The following PRUNE2 variants were observed in gnomAD, a reference collection of about 807,000 sequenced individuals.
PRUNE2 encodes the protein prune homolog 2 with BCH domain.
A neutral mutation model predicts 252.0 loss-of-function variants in PRUNE2; 164 were observed. The observed-to-expected ratio is 0.65, with a 90% CI of 0.57 to 0.74. PRUNE2 has a LOEUF of 0.74. PRUNE2 is among the 30% of genes least tolerant of loss of function. The pLI is 0.00. For missense variants in PRUNE2, 3,495 were observed against 3,711.0 expected (o/e 0.94, Z 1.51); for synonymous variants, 1,292 against 1,350.2 (o/e 0.96, Z 0.94).
intron 9 of PRUNE2, among the ~76,000 whole-genome samples, chr9:76,691,711 CCAAA>C (rs779818772): frequency 1.3e-5 from 2 of 152,118 alleles, no homozygotes; most frequent in Non-Finnish European, 1.5e-5. Flanking sequence ...GGCAATAGTC[CCAAA>C]CAGTTTCAAA....
chr9:76,739,546 T>C (rs1179565822), intron 6 of PRUNE2: 3 of 152,176 alleles, frequency 2.0e-5, no homozygotes, highest in African/African-American at 7.2e-5. Flanking sequence ...AATTTTTTTT[T>C]TTTTAATTTG....
At chr9:76,691,905 C>T (rs1485678641) in intron 9 of PRUNE2, 3 of 598,720 alleles carry the variant, frequency 5.0e-6, no homozygotes, top group Non-Finnish European at 9.1e-6. Context: ...ATGCAGCTGG[C>T]AGCTGTCAGT....
At chr9:76,756,457 T>C (rs2051158389) in intron 6 of PRUNE2, among the ~76,000 whole-genome samples, 1 of 152,240 alleles carries the variant, frequency 6.6e-6, no homozygotes. Context: ...TGCTTCCCCA[T>C]TCTTTCCAGA....
chr9:76,786,086 G>C (rs1357769260), intron 6 of PRUNE2: 1 of 152,162 alleles, frequency 6.6e-6, no homozygotes, highest in Non-Finnish European at 1.5e-5. Context: ...CTGTGCATCA[G>C]GCGGTTTGAG....
intron 6 of PRUNE2, among the ~76,000 whole-genome samples, chr9:76,779,388 C>T (rs1342954440): frequency 7.9e-5 from 12 of 152,108 alleles, no homozygotes; most frequent in African/African-American, 1.9e-4. Flanking sequence ...CCAAAGCCAA[C>T]GTCGAATTTT....
At chr9:76,809,896 C>T (rs1589345861) in intron 6 of PRUNE2, among the ~76,000 whole-genome samples, 1 of 152,128 alleles carries the variant, frequency 6.6e-6, no homozygotes, top group Admixed American at 6.5e-5. Context: ...CCTTGTCAAC[C>T]CTGGTGTCCC....
At chr9:76,636,895 G>T (rs1278416152) in intron 14 of PRUNE2, among the ~76,000 whole-genome samples, 1 of 152,062 alleles carries the variant, frequency 6.6e-6, no homozygotes, top group Non-Finnish European at 1.5e-5. Flanking sequence ...GGCGGAGGTT[G>T]CCGTGATCCA....
chr9:76,801,914 T>C (rs1239886378), intron 6 of PRUNE2, among the ~76,000 whole-genome samples: 1 of 152,122 alleles, frequency 6.6e-6, no homozygotes, highest in Non-Finnish European at 1.5e-5. Flanking sequence ...GGAGCTTGGA[T>C]TGTAGCAATG....
chr9:76,645,566 T>C (rs1844467302), intron 11 of PRUNE2, among the ~76,000 whole-genome samples: 1 of 151,748 alleles, frequency 6.6e-6, no homozygotes, highest in Admixed American at 6.6e-5. Context: ...TGCACAAGAC[T>C]CCCAAATTGA....
rs542425683 is a variant in PRUNE2 at position 76,714,095 on chromosome 9, A to G, written c.757-374T>C. On this transcript the variant is annotated intron_variant, in intron 6 of 18. Coordinates refer to ENST00000376718, the MANE Select transcript of PRUNE2 (RefSeq NM_015225.3). ...GTCTGCTATTGTTACAATTTATCAC[A>G]ATAAGAATAGGAGGAAGTTATTTCT... Among the ~76,000 whole-genome samples the G allele has an allele frequency of 8.5e-5, 13 of 152,282 alleles. No individual in the cohort carries two copies. The South Asian group carries it at 2.5e-3, about 29-fold the overall frequency.
intron 4 of PRUNE2, among the ~76,000 whole-genome samples, chr9:76,829,491 T>C (rs1461841812): frequency 6.6e-6 from 1 of 152,220 alleles, no homozygotes; most frequent in Non-Finnish European, 1.5e-5. Flanking sequence ...ATCTGGCTAA[T>C]TGTCTGTTTC....
Position 76,709,899 on chromosome 9 carries a change from G to A in PRUNE2, c.2375C>T (p.Ala792Val). The A allele has an allele frequency of 6.2e-7, 1 of 1,613,854 alleles. No homozygotes were observed. Residue 792 changes from alanine to valine, a missense_variant, in exon 8 of 19, where the codon GCA becomes GTA. Physicochemically the swap from Ala to Val is moderately conservative, Grantham distance 64. Coordinates refer to ENST00000376718, the MANE Select transcript of PRUNE2 (RefSeq NM_015225.3). ...CCAGGCTGGGAATGGCGCCACAGCT[G>A]CTGGTTCACCATCATCTGTAGGATT... is the stretch of plus-strand genomic sequence containing the variant. ...WGNPTDDGEP[A>V]AVAPFPAWSA...
At chr9:76,849,828 AAAAACAAAAC>A (rs112402365) in intron 3 of PRUNE2, among the ~76,000 whole-genome samples, 17 of 151,048 alleles carry the variant, frequency 1.1e-4, no homozygotes, top group African/African-American at 3.2e-4. Context: ...TCTGTCTCAA[AAAAACAAAAC>A]AAAACAAAAC....
chr9:76,617,604 GA>G (rs553221871), intron 18 of PRUNE2, among the ~76,000 whole-genome samples: 389 of 152,222 alleles, frequency 2.6e-3, no homozygotes, highest in Non-Finnish European at 4.4e-3. Context: ...GCTCAGGAAA[GA>G]GAGGGCTGAA....
At chr9:76,639,520 C>T (rs1255960795) in intron 12 of PRUNE2, among the ~76,000 whole-genome samples, 1 of 152,044 alleles carries the variant, frequency 6.6e-6, no homozygotes, top group Non-Finnish European at 1.5e-5. Flanking sequence ...AAACTATATA[C>T]AGCCAATATT....
At chr9:76,694,016 TG>T (rs1485628605) in intron 9 of PRUNE2, among the ~76,000 whole-genome samples, 4 of 152,140 alleles carry the variant, frequency 2.6e-5, no homozygotes, top group Non-Finnish European at 4.4e-5. Flanking sequence ...CGGAGCTGGT[TG>T]TATCTTGGGA....
chr9:76,854,545 T>C (rs146477307), intron 1 of PRUNE2, among the ~76,000 whole-genome samples: 127 of 152,342 alleles, frequency 8.3e-4, no homozygotes, highest in African/African-American at 3.0e-3. Context: ...ATATCATTTC[T>C]TTATATAAGA....
chr9:76,635,013 C>T (rs1477241125), intron 15 of PRUNE2, among the ~76,000 whole-genome samples: 2 of 152,096 alleles, frequency 1.3e-5, no homozygotes, highest in African/African-American at 2.4e-5. Flanking sequence ...CACTCTGTTG[C>T]CCAGGCTGGA....
At chr9:76,894,730 A>G (rs2062712041) in intron 1 of PRUNE2, among the ~76,000 whole-genome samples, 1 of 151,724 alleles carries the variant, frequency 6.6e-6, no homozygotes, top group South Asian at 2.1e-4. Context: ...AAAAAAAAAA[A>G]AAGGACCAGC....
Sources: allele counts gnomAD v4.1 joint callset (sites outside exome capture counted in the v4.1 genomes callset), GRCh38; gene constraint gnomAD v4.1.1; transcripts MANE v1.5; gene names NCBI Gene and HGNC (gene_info 2026-07-23, HGNC 2026-07-21).